TIMP3: variants seen among roughly 807,000 people sequenced by gnomAD.
TIMP3 encodes metalloproteinase inhibitor 3.
In TIMP3, 11 loss-of-function variants were observed where a neutral mutation model predicts 30.0. That is an observed-to-expected ratio of 0.37 (90% CI 0.23 to 0.61). The LOEUF is 0.61. TIMP3 is among the 20% of genes least tolerant of loss of function. TIMP3 has a pLI of 0.70. For missense variants in TIMP3, 181 were observed against 276.8 expected (o/e 0.65, Z 2.45); for synonymous variants, 112 against 111.3 (o/e 1.01, Z -0.04).
intron 2 of TIMP3, among the ~76,000 whole-genome samples, chr22:32,856,571 G>A (rs910518843): frequency 1.3e-5 from 2 of 152,192 alleles, no homozygotes; most frequent in African/African-American, 4.8e-5. Flanking sequence ...GAGAGTCCAT[G>A]TGGTATTTTG....
At chr22:32,846,864 G>A (rs745902378) in intron 1 of TIMP3, among the ~76,000 whole-genome samples, 5 of 152,212 alleles carry the variant, frequency 3.3e-5, no homozygotes, top group Non-Finnish European at 2.9e-5. Context: ...CTACAAAAAC[G>A]TATTCTTTTC....
chr22:32,843,645 A>G (rs2047978704), intron 1 of TIMP3, among the ~76,000 whole-genome samples: 1 of 152,144 alleles, frequency 6.6e-6, no homozygotes, highest in Non-Finnish European at 1.5e-5. Flanking sequence ...TGGGTAGGGC[A>G]TCATTCCAAC....
chr22:32,830,077 A>ATGG lies in TIMP3; in HGVS notation c.122-19375_122-19374insTGG, dbSNP rs1249095326. Among the ~76,000 whole-genome samples the ATGG allele has an allele frequency of 5.3e-5, 8 of 152,316 alleles. No homozygotes were observed. In the East Asian group the frequency reaches 1.5e-3, roughly 29 times the overall value. On this transcript the variant is annotated intron_variant, in intron 1 of 4. Transcript: ENST00000266085. Reference sequence around the variant, plus strand: ...GAGTAAGTGGGGCAGCCGACATTTCAGGAGGAGGAAGGTTGGCAGCCAGGC... The same window carrying ATGG: ...GAGTAAGTGGGGCAGCCGACATTTCATGGGGAGGAGGAAGGTTGGCAGCCAGGC...
intron 1 of TIMP3, among the ~76,000 whole-genome samples, chr22:32,832,282 G>T (rs1482378380): frequency 1.3e-5 from 2 of 151,418 alleles, no homozygotes; most frequent in Non-Finnish European, 3.0e-5. Flanking sequence ...ACAACGAAGA[G>T]AAAGTGGAAC....
At chr22:32,817,189 G>A (rs1468776183) in intron 1 of TIMP3, among the ~76,000 whole-genome samples, 1 of 151,798 alleles carries the variant, frequency 6.6e-6, no homozygotes, top group African/African-American at 2.4e-5. Context: ...CTGCACTCCA[G>A]CCAGGGTGAC....
intron 1 of TIMP3, among the ~76,000 whole-genome samples, chr22:32,841,735 C>T (rs757357037): frequency 2.6e-5 from 4 of 152,020 alleles, no homozygotes; most frequent in Admixed American, 1.3e-4. Flanking sequence ...AATGCACACT[C>T]GGCTTAATAC....
intron 1 of TIMP3, among the ~76,000 whole-genome samples, chr22:32,828,726 T>C (rs1211715168): frequency 6.6e-6 from 1 of 152,206 alleles, no homozygotes; most frequent in Non-Finnish European, 1.5e-5. Flanking sequence ...TATAGACTTC[T>C]TGGCCGGTTC....
chr22:32,822,414 A>G (rs143996244), intron 1 of TIMP3, among the ~76,000 whole-genome samples: 1 of 152,230 alleles, frequency 6.6e-6, no homozygotes, highest in Non-Finnish European at 1.5e-5. Flanking sequence ...ATCCTCATGG[A>G]GTCTGGTCTC....
At chr22:32,810,372 G>A (rs1236115661) in intron 1 of TIMP3, among the ~76,000 whole-genome samples, 2 of 152,162 alleles carry the variant, frequency 1.3e-5, no homozygotes, top group Non-Finnish European at 2.9e-5. Flanking sequence ...TGGCATTCAC[G>A]GCTTGGAGAC....
In TIMP3 at chr22:32,858,225, C is replaced by T. The variant is rs2048430773; in HGVS notation, c.438+87C>T. The T allele has an allele frequency of 1.9e-5, 30 of 1,574,072 alleles. No individual in the cohort carries two copies. In the South Asian group the frequency reaches 3.4e-4, roughly 18 times the overall value. On this transcript the variant is annotated intron_variant, in intron 4 of 4. Transcript: ENST00000266085. Reference sequence around the variant, plus strand: ...AGCTCCCAATGCACTGGGTGCCAGGCCCTCGGCTGGGAAGGGTATGCATGT... The same window carrying T: ...AGCTCCCAATGCACTGGGTGCCAGGTCCTCGGCTGGGAAGGGTATGCATGT...
Position 32,849,498 on chromosome 22 carries a change from C to T in TIMP3, c.168C>T (p.Pro56=). ...GGAAGAAGCTGGTAAAGGAGGGGCC[C>T]TTCGGCACGCTGGTCTACACCATCA... is the stretch of plus-strand genomic sequence containing the variant. ...VVGKKLVKEG[P]FGTLVYTIKQ... Residue 56 remains proline (P), a synonymous_variant, in exon 2 of 5, where the codon CCC becomes CCT. Transcript: ENST00000266085. 1 of 1,613,714 alleles carries T rather than the reference C, an allele frequency of 6.2e-7. No individual in the cohort carries two copies. The highest frequency in any genetic ancestry group is 8.5e-7 in the Non-Finnish European group (1 of 1,179,876).
intron 1 of TIMP3, among the ~76,000 whole-genome samples, chr22:32,829,810 C>T (rs2047521958): frequency 1.3e-5 from 2 of 152,234 alleles, no homozygotes; most frequent in African/African-American, 4.8e-5. Flanking sequence ...GCGGGCTTCA[C>T]CATGCACTCT....
At chr22:32,803,152 G>A (rs1282916616) in intron 1 of TIMP3, among the ~76,000 whole-genome samples, 6 of 152,054 alleles carry the variant, frequency 3.9e-5, no homozygotes, top group South Asian at 2.1e-4. Flanking sequence ...TGCTGGGAGA[G>A]TGTGTGTGTG....
intron 1 of TIMP3, among the ~76,000 whole-genome samples, chr22:32,826,272 T>C (rs983281098): frequency 1.3e-5 from 2 of 151,940 alleles, no homozygotes; most frequent in African/African-American, 4.8e-5. Context: ...CTACTAAAAA[T>C]ACAAAAAATT....
chr22:32,844,323 A>G (rs1228225814), intron 1 of TIMP3, among the ~76,000 whole-genome samples: 2 of 152,192 alleles, frequency 1.3e-5, no homozygotes, highest in South Asian at 2.1e-4. Flanking sequence ...GCTTTTCTGG[A>G]AACTCAATCC....
At chr22:32,845,843 C>T (rs915666068) in intron 1 of TIMP3, among the ~76,000 whole-genome samples, 1 of 152,252 alleles carries the variant, frequency 6.6e-6, no homozygotes, top group Non-Finnish European at 1.5e-5. Flanking sequence ...ACCCCACTTC[C>T]CTTGTTCCCT....
At chr22:32,818,691 G>C (rs1031290546) in intron 1 of TIMP3, among the ~76,000 whole-genome samples, 49 of 152,276 alleles carry the variant, frequency 3.2e-4, no homozygotes, top group African/African-American at 1.1e-3. Context: ...TCCAGCTCTT[G>C]CACCATTAAC....
chr22:32,851,750 CCT>C (rs945716292), intron 2 of TIMP3, among the ~76,000 whole-genome samples: 12 of 152,262 alleles, frequency 7.9e-5, no homozygotes, highest in African/African-American at 2.9e-4. Context: ...CCCAAATCTC[CCT>C]GCCATCTTAA....
At chr22:32,842,597 A>G (rs1019546377) in intron 1 of TIMP3, among the ~76,000 whole-genome samples, 9 of 152,202 alleles carry the variant, frequency 5.9e-5, no homozygotes, top group African/African-American at 2.2e-4. Flanking sequence ...ACAGTGTATC[A>G]TTTGTCTAGC....
Sources: allele counts gnomAD v4.1 joint callset (sites outside exome capture counted in the v4.1 genomes callset), GRCh38; gene constraint gnomAD v4.1.1; transcripts MANE v1.5; gene names NCBI Gene and HGNC (gene_info 2026-07-23, HGNC 2026-07-21).